TENM3: variants seen among roughly 807,000 people sequenced by gnomAD.
The protein encoded by TENM3 is teneurin transmembrane protein 3.
In TENM3, 63 loss-of-function variants were observed where a neutral mutation model predicts 255.1. That is an observed-to-expected ratio of 0.25 (90% CI 0.20 to 0.30). The LOEUF (loss-of-function observed/expected upper bound fraction) is 0.30. TENM3 is among the 10% of genes least tolerant of loss of function. The probability of loss-of-function intolerance (pLI) is 1.00; values close to 1 mark genes in which losing one functional copy is unlikely to be tolerated. For missense variants in TENM3, 2,929 were observed against 3,461.1 expected, an observed-to-expected ratio of 0.85 and a Z score of 3.86; for synonymous variants, 1,306 against 1,322.3, an observed-to-expected ratio of 0.99 and a Z score of 0.27.
the TENM3 span, among the ~76,000 whole-genome samples, chr4:181,634,396 T>A: frequency 6.6e-6 from 1 of 151,596 alleles, no homozygotes. Flanking sequence ...TTTTTTTTTT[T>A]TTTTTTTGCA....
intron 2 of TENM3, 41 bp downstream of exon 2, chr4:182,324,293 A>T: frequency 6.9e-7 from 1 of 1,447,636 alleles, no homozygotes; most frequent in Non-Finnish European, 9.7e-7. Context: ...TGCTCACGTT[A>T]CTAACTTGTA....
rs183480546 is a variant in TENM3, at chr4:182,393,419, A to C, written c.511+46490A>C. 2.0e-5 allele frequency among the ~76,000 whole-genome samples: 3 copies of C among 152,362 alleles called. No homozygotes were observed. The East Asian group carries it at 5.8e-4, about 29-fold the overall frequency. On this transcript the variant is annotated intron_variant, in intron 3 of 27. Transcript: ENST00000511685. ...AAATAAGCAGCAGGAGGGAAATAAC[A>C]TATAGAAAACTAGAAAATCAAAATG...
intron 1 of TENM3, among the ~76,000 whole-genome samples, chr4:182,199,934 C>T (rs1009657674): frequency 1.3e-5 from 2 of 151,864 alleles, no homozygotes; most frequent in African/African-American, 4.8e-5. Context: ...GCCATGTTGC[C>T]CAGGCTGGAC....
chr4:182,494,459 T>C (rs970363266), intron 3 of TENM3, among the ~76,000 whole-genome samples: 1 of 152,238 alleles, frequency 6.6e-6, no homozygotes, highest in East Asian at 1.9e-4. Flanking sequence ...CTGCCTAATT[T>C]ATAAATCAAA....
chr4:182,792,350 C>G lies in TENM3; in HGVS notation c.5678C>G (p.Thr1893Ser), dbSNP rs758403714. 2.5e-6 allele frequency: 4 copies of G among 1,613,934 alleles called. No individual in the cohort carries two copies. Among genetic ancestry groups the G allele is most frequent in the Non-Finnish European group, 3.4e-6 (4 of 1,179,912 alleles). ...ATGTGGGACCGCCTGTCTGCCATCA[C>G]CATGCCCAGTGTGGCTCGCCACACC... ...YDMWDRLSAI[T>S]MPSVARHTMQ... The change falls in exon 26 of 28, where the codon ACC (threonine) becomes AGC (serine). Residue 1893 changes from threonine to serine, a missense_variant. By Grantham distance (58) the Thr-to-Ser change is moderately conservative. This residue lies in a region of TENM3 where 303 missense variants were observed against 425.2 expected (regional missense o/e 0.71). Transcript: ENST00000511685. This position sits in a 1 kb window ranked among gnomAD's most constrained non-coding sequence, Gnocchi z 6.3.
At chr4:182,442,714 C>T (rs1165101163) in intron 3 of TENM3, among the ~76,000 whole-genome samples, 1 of 152,002 alleles carries the variant, frequency 6.6e-6, no homozygotes, top group Non-Finnish European at 1.5e-5. Context: ...GCCTCAGCCT[C>T]CAGACTAACT....
the TENM3 span, among the ~76,000 whole-genome samples, chr4:181,940,797 G>C: frequency 1.3e-5 from 2 of 152,170 alleles, no homozygotes; most frequent in Non-Finnish European, 2.9e-5. Context: ...AATTTCACTG[G>C]GGCTGCTGTG....
the TENM3 span, among the ~76,000 whole-genome samples, chr4:181,671,740 CTT>C: frequency 1.3e-5 from 2 of 149,658 alleles, no homozygotes; most frequent in Non-Finnish European, 1.5e-5. Context: ...AGGAAGCAAA[CTT>C]TACTTTTTTT....
chr4:182,035,725 T>C, the TENM3 span, among the ~76,000 whole-genome samples: 5 of 152,202 alleles, frequency 3.3e-5, no homozygotes, highest in Admixed American at 6.5e-5. Context: ...TTCCGTCCTT[T>C]TTCAATCACT....
chr4:182,239,369 G>A (rs556287896), upstream of TENM3, among the ~76,000 whole-genome samples: 32 of 152,138 alleles, frequency 2.1e-4, no homozygotes, highest in East Asian at 4.2e-3. Context: ...ATGAGCCACC[G>A]CGCCCGGCCA....
chr4:181,839,814 C>G, the TENM3 span, among the ~76,000 whole-genome samples: 2 of 151,740 alleles, frequency 1.3e-5, no homozygotes, highest in Non-Finnish European at 2.9e-5. Flanking sequence ...CATTCATGAT[C>G]TTCTCTTTGT....
chr4:181,768,672 A>G, the TENM3 span, among the ~76,000 whole-genome samples: 5 of 152,150 alleles, frequency 3.3e-5, no homozygotes. Flanking sequence ...TTTCTATCAA[A>G]CCAGAAGTTA....
Position 182,299,016 on chromosome 4 carries a change from A to AAAAAAAAAAAAGAGGTAAT in TENM3, c.-75-24930_-75-24929insAAAAAAAAAAAGAGGTAAT, listed in dbSNP as rs1554045594. ...AAAAAAAAAAAAAAAAAAAAAAAAA[A>AAAAAAAAAAAAGAGGTAAT]GAGGTAATGGACTGGCCACTGCAGA... On this transcript the variant is annotated intron_variant, in intron 1 of 27. Transcript: ENST00000511685. 2.5e-4 allele frequency among the ~76,000 whole-genome samples: 26 copies of AAAAAAAAAAAAGAGGTAAT among 102,316 alleles called. 1 individual carries two copies. Among genetic ancestry groups the AAAAAAAAAAAAGAGGTAAT allele is most frequent in the African/African-American group, 7.3e-4 (16 of 21,794 alleles). 67.1% of individuals were successfully genotyped at this position (102,316 alleles called of 152,430 possible). A position where few individuals can be genotyped will look rare whatever the true frequency, so the allele number is the denominator to read the frequency against.
Position 182,370,908 on chromosome 4 carries a change from G to A in TENM3, c.511+23979G>A, listed in dbSNP as rs994579471. Among the ~76,000 whole-genome samples the A allele has an allele frequency of 3.3e-5, 5 of 152,070 alleles. No homozygotes were observed. The East Asian group carries it at 9.6e-4, about 29-fold the overall frequency. ...GTTTTATTTTCTGTAAGGAAGCCTC[G>A]AGAGACAAACTCAACTAGGTATCAT... On this transcript the variant is annotated intron_variant, in intron 3 of 27. Coordinates refer to ENST00000511685, the MANE Select transcript of TENM3 (RefSeq NM_001080477.4).
At chr4:182,089,145 C>T in the TENM3 span, among the ~76,000 whole-genome samples, 2 of 152,168 alleles carry the variant, frequency 1.3e-5, no homozygotes, top group Non-Finnish European at 2.9e-5. Flanking sequence ...TTCCAGCCCC[C>T]AGAACTGTAA....
the TENM3 span, among the ~76,000 whole-genome samples, chr4:181,771,451 A>G: frequency 1.3e-5 from 2 of 152,210 alleles, no homozygotes; most frequent in African/African-American, 4.8e-5. Context: ...AGCTTGGTAA[A>G]GGTGTAGCCT....
At chr4:182,140,507 CAG>C (rs1195287515), upstream of TENM3, among the ~76,000 whole-genome samples, 3 of 88,078 alleles carry the variant, frequency 3.4e-5, 1 homozygote, top group South Asian at 1.3e-3. Flanking sequence ...TTGAACCCAG[CAG>C]ACAGGCCGCT....
At chr4:182,024,191 T>C in the TENM3 span, among the ~76,000 whole-genome samples, 2 of 152,208 alleles carry the variant, frequency 1.3e-5, no homozygotes, top group Non-Finnish European at 2.9e-5. Flanking sequence ...ATATTTTTTC[T>C]TAAGAAGCTT....
At chr4:182,114,062 G>T in the TENM3 span, among the ~76,000 whole-genome samples, 1 of 152,092 alleles carries the variant, frequency 6.6e-6, no homozygotes, top group Non-Finnish European at 1.5e-5. Context: ...ATTCTATCTG[G>T]TTTTAATATT....
Sources: gnomAD v4.1 joint callset for allele counts (sites outside exome capture counted in the v4.1 genomes callset) on GRCh38, gnomAD v4.1.1 for gene constraint, gnomAD v4.1.1 regional missense constraint, Gnocchi (gnomAD v3.1) non-coding constraint, MANE v1.5 for transcripts, NCBI Gene and HGNC (gene_info 2026-07-23, HGNC 2026-07-21) for gene names.